Variants in HLCS observed in about 807,000 individuals in gnomAD.
The protein encoded by HLCS is holocarboxylase synthetase.
HLCS carries 53 observed loss-of-function variants against 75.0 expected under a neutral mutation model. The ratio of observed to expected loss-of-function variants is 0.71; its 90% CI spans 0.57 to 0.89. The LOEUF is 0.89. HLCS is among the 40% of genes least tolerant of loss of function. The pLI, the probability that HLCS is intolerant of heterozygous loss-of-function variation, is 0.00. For synonymous variants in HLCS, 431 were observed against 428.6 expected (o/e 1.01, Z -0.07); for missense variants, 966 against 1,074.0 (o/e 0.90, Z 1.41).
intron 2 of HLCS, among the ~76,000 whole-genome samples, chr21:36,957,396 T>C (rs1280766381): frequency 1.3e-5 from 2 of 152,310 alleles, no homozygotes; most frequent in East Asian, 3.9e-4. Flanking sequence ...ACTCTTCCTG[T>C]ATGGCTCGCA....
chr21:36,856,557 T>C (rs1401996939), intron 6 of HLCS, among the ~76,000 whole-genome samples: 1 of 152,098 alleles, frequency 6.6e-6, no homozygotes, highest in Non-Finnish European at 1.5e-5. Flanking sequence ...CCGCCAATAG[T>C]AGTCCTTTGA....
intron 6 of HLCS, among the ~76,000 whole-genome samples, chr21:36,830,005 G>A (rs1243570434): frequency 1.3e-5 from 2 of 152,226 alleles, no homozygotes; most frequent in African/African-American, 4.8e-5. Flanking sequence ...TTTAGAGACA[G>A]GGTCTTTCCA....
chr21:36,965,924 TTTTTG>T (rs113964165), intron 1 of HLCS, among the ~76,000 whole-genome samples: 1 of 150,142 alleles, frequency 6.7e-6, no homozygotes, highest in Admixed American at 6.6e-5. Flanking sequence ...CTAAGTGTTT[TTTTTG>T]TTTTGTTTTT....
intron 6 of HLCS, among the ~76,000 whole-genome samples, chr21:36,788,549 T>C (rs2060765142): frequency 2.0e-5 from 3 of 152,310 alleles, no homozygotes; most frequent in South Asian, 4.1e-4. Context: ...TTTTTTATGA[T>C]AAGCATTAAA....
At chr21:36,771,097 G>A (rs1196054191) in intron 6 of HLCS, among the ~76,000 whole-genome samples, 1 of 152,080 alleles carries the variant, frequency 6.6e-6, no homozygotes, top group Non-Finnish European at 1.5e-5. Context: ...GCGGGTGCCT[G>A]TAATCCCAGC....
intron 6 of HLCS, among the ~76,000 whole-genome samples, chr21:36,877,844 A>C (rs965208541): frequency 1.3e-5 from 2 of 152,082 alleles, no homozygotes; most frequent in African/African-American, 4.8e-5. Flanking sequence ...ATTTTGTTGG[A>C]TATGGAATTC....
intron 6 of HLCS, among the ~76,000 whole-genome samples, chr21:36,803,037 T>C (rs948125311): frequency 1.3e-5 from 2 of 152,230 alleles, no homozygotes; most frequent in African/African-American, 4.8e-5. Context: ...GTCCAGTTCC[T>C]AACCCTGTCC....
chr21:36,822,578 C>T (rs988655983), intron 6 of HLCS, among the ~76,000 whole-genome samples: 19 of 152,192 alleles, frequency 1.2e-4, no homozygotes, highest in African/African-American at 3.1e-4. Context: ...ATAGTAATCA[C>T]GGCTCTTTCA....
intron 6 of HLCS, among the ~76,000 whole-genome samples, chr21:36,874,411 A>T (rs1326605923): frequency 6.6e-6 from 1 of 151,138 alleles, no homozygotes; most frequent in Admixed American, 6.6e-5. Context: ...CAAAAAAATA[A>T]AATAAAATAA....
intron 8 of HLCS, among the ~76,000 whole-genome samples, chr21:36,763,217 G>T (rs941322617): frequency 6.6e-6 from 1 of 152,088 alleles, no homozygotes; most frequent in Non-Finnish European, 1.5e-5. Context: ...TAGAGATGGG[G>T]TTTCACCATG....
intron 6 of HLCS, among the ~76,000 whole-genome samples, chr21:36,771,595 A>G (rs562239093): frequency 1.3e-5 from 2 of 152,340 alleles, no homozygotes; most frequent in South Asian, 4.1e-4. Flanking sequence ...AAAGCCCATC[A>G]TGTGGTCATC....
intron 5 of HLCS, among the ~76,000 whole-genome samples, chr21:36,911,620 GT>G (rs1443200176): frequency 4.0e-5 from 6 of 151,804 alleles, no homozygotes; most frequent in Admixed American, 2.0e-4. Context: ...GTTGTGGCAG[GT>G]GCCTGTAGTC....
chr21:36,820,492 T>C (rs2061804421), intron 6 of HLCS, among the ~76,000 whole-genome samples: 1 of 152,236 alleles, frequency 6.6e-6, no homozygotes, highest in African/African-American at 2.4e-5. Context: ...CCCACTCTGA[T>C]TTCAGAGCAA....
chr21:36,859,415 T>C (rs1241633871), intron 6 of HLCS, among the ~76,000 whole-genome samples: 1 of 152,200 alleles, frequency 6.6e-6, no homozygotes. Flanking sequence ...GTTTCTAAGC[T>C]GAAGAATCCA....
At chr21:36,983,759 C>T (rs947720589) in intron 1 of HLCS, among the ~76,000 whole-genome samples, 1 of 151,602 alleles carries the variant, frequency 6.6e-6, no homozygotes, top group African/African-American at 2.4e-5. Flanking sequence ...ATGGCGTGAA[C>T]CCGGGAGGCA....
intron 1 of HLCS, among the ~76,000 whole-genome samples, chr21:36,976,817 T>C (rs1298597952): frequency 6.6e-6 from 1 of 152,064 alleles, no homozygotes; most frequent in Non-Finnish European, 1.5e-5. Context: ...GAACCAGCCA[T>C]GTGATCTTAA....
intron 6 of HLCS, among the ~76,000 whole-genome samples, chr21:36,862,546 T>C (rs2063415495): frequency 6.6e-6 from 1 of 152,256 alleles, no homozygotes; most frequent in African/African-American, 2.4e-5. Flanking sequence ...GTTGGGCATC[T>C]TTTCATGTGC....
chr21:36,987,285 C>G (rs928455058), intron 1 of HLCS, among the ~76,000 whole-genome samples: 1 of 152,182 alleles, frequency 6.6e-6, no homozygotes, highest in African/African-American at 2.4e-5. Flanking sequence ...CCCCAGCTCT[C>G]TCAGCAGACA....
chr21:36,898,212 C>A (rs1396691602), intron 5 of HLCS, among the ~76,000 whole-genome samples: 1 of 151,368 alleles, frequency 6.6e-6, no homozygotes, highest in Non-Finnish European at 1.5e-5. Context: ...TTGGGAGGCC[C>A]AGGCGGGCAG....
Sources: gnomAD v4.1 joint callset for allele counts (sites outside exome capture counted in the v4.1 genomes callset) on GRCh38, gnomAD v4.1.1 for gene constraint, MANE v1.5 for transcripts, NCBI Gene and HGNC (gene_info 2026-07-23, HGNC 2026-07-21) for gene names.